Variants in ZNF407 observed in about 807,000 individuals in gnomAD.
ZNF407 encodes the protein zinc finger protein 407.
ZNF407 carries 17 observed loss-of-function variants against 131.2 expected under a neutral mutation model. The ratio of observed to expected loss-of-function variants is 0.13; its 90% CI spans 0.09 to 0.19. The LOEUF (loss-of-function observed/expected upper bound fraction) is 0.19. Among genes scored for constraint, ZNF407 ranks in the 10% least tolerant of loss-of-function variants. The pLI, the probability that ZNF407 is intolerant of heterozygous loss-of-function variation, is 1.00. For missense variants in ZNF407, 2,681 were observed against 2,830.6 expected (o/e 0.95, Z 1.20); for synonymous variants, 1,156 against 1,062.0 (o/e 1.09, Z -1.72).
chr18:74,905,341 T>C (rs1313126037), intron 7 of ZNF407: 1 of 152,260 alleles, frequency 6.6e-6, no homozygotes, highest in East Asian at 1.9e-4. Context: ...CCCAGACGTT[T>C]AGAAAAGCAG....
In ZNF407 at chr18:74,922,946, G is replaced by A. The variant is rs532662176; in HGVS notation, c.5428+2254G>A. Among the ~76,000 whole-genome samples the A allele has an allele frequency of 1.4e-4, 22 of 152,326 alleles. No homozygotes were observed. The South Asian group carries it at 4.3e-3, about 30-fold the overall frequency. On this transcript the variant is annotated intron_variant, in intron 8 of 8. Coordinates refer to ENST00000299687, the MANE Select transcript of ZNF407 (RefSeq NM_017757.3). The stretch of plus-strand genomic sequence containing the variant: ...CAGTTTTCCTCTGAAGATGGGGATA[G>A]TGATGCCTACCACACAGAATGTGTG...
intron 8 of ZNF407, among the ~76,000 whole-genome samples, chr18:74,948,238 C>T (rs1972175617): frequency 1.3e-5 from 2 of 152,220 alleles, no homozygotes; most frequent in African/African-American, 4.8e-5. Flanking sequence ...AGCTTTTGCT[C>T]AGTAGCGGCT....
At chr18:74,758,425 A>C (rs1158195081) in intron 3 of ZNF407, among the ~76,000 whole-genome samples, 3 of 152,120 alleles carry the variant, frequency 2.0e-5, no homozygotes, top group Non-Finnish European at 4.4e-5. Context: ...ATACTGTATA[A>C]AAGCTCCTAC....
intron 3 of ZNF407, among the ~76,000 whole-genome samples, chr18:74,743,494 A>C (rs1158127795): frequency 6.6e-6 from 1 of 152,122 alleles, no homozygotes; most frequent in African/African-American, 2.4e-5. Flanking sequence ...AGATTCTGAG[A>C]GTTTTAAAAT....
At chr18:74,772,394 C>T (rs939827482) in intron 3 of ZNF407, among the ~76,000 whole-genome samples, 2 of 152,096 alleles carry the variant, frequency 1.3e-5, no homozygotes, top group African/African-American at 2.4e-5. Flanking sequence ...GGCTTCTTTT[C>T]ATGTATATAT....
intron 3 of ZNF407, among the ~76,000 whole-genome samples, chr18:74,758,431 C>A (rs181345411): frequency 6.6e-6 from 1 of 152,202 alleles, no homozygotes; most frequent in Non-Finnish European, 1.5e-5. Flanking sequence ...TATAAAAGCT[C>A]CTACATACAT....
At chr18:74,733,360 ATTATTTTT>A in intron 3 of ZNF407, among the ~76,000 whole-genome samples, 1 of 152,284 alleles carries the variant, frequency 6.6e-6, no homozygotes, top group South Asian at 2.1e-4. Context: ...GAAGCTCAAT[ATTATTTTT>A]AAATTTTTTT....
chr18:74,938,143 T>C (rs1193230341), intron 8 of ZNF407, among the ~76,000 whole-genome samples: 2 of 152,202 alleles, frequency 1.3e-5, no homozygotes, highest in African/African-American at 4.8e-5. Flanking sequence ...CTCCTTTGGC[T>C]TCTTTTAGAA....
intron 7 of ZNF407, among the ~76,000 whole-genome samples, chr18:74,909,541 T>A (rs1267679492): frequency 3.9e-5 from 6 of 152,114 alleles, no homozygotes; most frequent in African/African-American, 1.4e-4. Flanking sequence ...TTATTTCAAT[T>A]TAGATTGTGG....
At chr18:74,916,964 A>G (rs996867988) in intron 7 of ZNF407, among the ~76,000 whole-genome samples, 1 of 152,142 alleles carries the variant, frequency 6.6e-6, no homozygotes, top group Non-Finnish European at 1.5e-5. Flanking sequence ...ATGGAGGCTG[A>G]GAACCTCTTC....
intron 3 of ZNF407, among the ~76,000 whole-genome samples, chr18:74,700,312 G>A (rs867736757): frequency 2.0e-5 from 3 of 152,144 alleles, no homozygotes; most frequent in Non-Finnish European, 4.4e-5. Context: ...CACCTAACTA[G>A]TTTACGGTGA....
intron 4 of ZNF407, among the ~76,000 whole-genome samples, chr18:74,872,476 GAT>G (rs1398352154): frequency 6.6e-6 from 1 of 152,040 alleles, no homozygotes; most frequent in African/African-American, 2.4e-5. Context: ...TAATGGGGGA[GAT>G]ATTTTTTGGG....
At chr18:74,943,138 G>A (rs964171353) in intron 8 of ZNF407, among the ~76,000 whole-genome samples, 4 of 151,962 alleles carry the variant, frequency 2.6e-5, no homozygotes, top group African/African-American at 7.3e-5. Context: ...GGATGGTCTC[G>A]ATCTCCTGAC....
At chr18:74,839,082 T>A (rs986066333) in intron 4 of ZNF407, among the ~76,000 whole-genome samples, 14 of 151,868 alleles carry the variant, frequency 9.2e-5, no homozygotes, top group African/African-American at 3.4e-4. Flanking sequence ...AACGGACAAT[T>A]TCTTGTTTAT....
chr18:74,699,188 C>T (rs1348688793), intron 3 of ZNF407, among the ~76,000 whole-genome samples: 1 of 152,064 alleles, frequency 6.6e-6, no homozygotes, highest in African/African-American at 2.4e-5. Flanking sequence ...CAAATATTTT[C>T]TTCTGTATTT....
intron 8 of ZNF407, among the ~76,000 whole-genome samples, chr18:74,921,950 T>A (rs1599245092): frequency 6.6e-6 from 1 of 152,240 alleles, no homozygotes; most frequent in South Asian, 2.1e-4. Context: ...AATACGTGGA[T>A]AGAGGCTCAT....
At chr18:74,637,064 CT>C (rs2144681054) in intron 2 of ZNF407, among the ~76,000 whole-genome samples, 1 of 152,242 alleles carries the variant, frequency 6.6e-6, no homozygotes, top group African/African-American at 2.4e-5. Context: ...AGACATGTTG[CT>C]TATAATTGAT....
chr18:74,925,062 T>C (rs1468624635), intron 8 of ZNF407, among the ~76,000 whole-genome samples: 1 of 152,222 alleles, frequency 6.6e-6, no homozygotes, highest in Non-Finnish European at 1.5e-5. Context: ...TTACAAGGTG[T>C]TCTCTTTTCA....
intron 3 of ZNF407, among the ~76,000 whole-genome samples, chr18:74,643,894 A>G: frequency 6.6e-6 from 1 of 151,948 alleles, no homozygotes; most frequent in Middle Eastern, 3.2e-3. Context: ...GTTTTAAGAT[A>G]CCATTACCCC....
Sources: allele counts gnomAD v4.1 joint callset (sites outside exome capture counted in the v4.1 genomes callset), GRCh38; gene constraint gnomAD v4.1.1; transcripts MANE v1.5; gene names NCBI Gene and HGNC (gene_info 2026-07-23, HGNC 2026-07-21).